AGGF1: variants seen among roughly 807,000 people sequenced by gnomAD.
AGGF1 encodes angiogenic factor with G-patch and FHA domains 1.
A neutral mutation model predicts 86.5 loss-of-function variants in AGGF1; 56 were observed. That is an observed-to-expected ratio of 0.65 (90% CI 0.52 to 0.81). The LOEUF (loss-of-function observed/expected upper bound fraction) is 0.81, where lower values mean the gene tolerates loss of function less well. AGGF1 is among the 30% of genes least tolerant of loss of function. AGGF1 has a pLI of 0.00. For missense variants in AGGF1, 816 were observed against 850.9 expected (o/e 0.96, Z 0.51); for synonymous variants, 313 against 297.1 (o/e 1.05, Z -0.55).
chr5:77,052,037 G>A (rs1311349743), intron 8 of AGGF1, among the ~76,000 whole-genome samples: 1 of 152,202 alleles, frequency 6.6e-6, no homozygotes, highest in African/African-American at 2.4e-5. Context: ...TTGGCCTTGA[G>A]TGTTTCAAAT....
chr5:77,052,602 T>C lies in AGGF1; in HGVS notation c.1366-104T>C, dbSNP rs182874745. 8.3e-5 allele frequency: 64 copies of C among 771,940 alleles called. No individual in the cohort carries two copies. In the African/African-American group the frequency reaches 1.0e-3, roughly 13 times the overall value. 47.8% of individuals were successfully genotyped at this position (771,940 alleles called of 1,614,324 possible). A position where few individuals can be genotyped will look rare whatever the true frequency, so the allele number is the denominator to read the frequency against. The stretch of plus-strand genomic sequence containing the variant: ...TAAAAAAGTATTAAGTATAATAAAA[T>C]TTAAATTATCAAAGGCTCAAGTTAA... On this transcript the variant is annotated intron_variant, in intron 8 of 13. Transcript: ENST00000312916.
rs150609016 is a variant in AGGF1, at chr5:77,039,662, T to C, written c.813T>C (p.Asp271=). 1 of 1,612,204 alleles carries C rather than the reference T, an allele frequency of 6.2e-7. No homozygotes were observed. Among genetic ancestry groups the C allele is most frequent in the Non-Finnish European group, 8.5e-7 (1 of 1,179,382 alleles). Residue 271 remains aspartate, a synonymous_variant, in exon 5 of 14, where the codon GAT becomes GAC. Transcript: ENST00000312916. Reference sequence around the variant, plus strand: ...CTTCTAGCACAAAACAAAGTAAAGATAAAAAATTGAAGAAGAAAAGAAAAG... The same window carrying C: ...CTTCTAGCACAAAACAAAGTAAAGACAAAAAATTGAAGAAGAAAAGAAAAG... ...YPTSSTKQSK[D]KKLKKKRKDP... is the part of the protein sequence containing the mutation.
rs768858867 is a variant in AGGF1, at chr5:77,030,450, C to T, written c.-317C>T. On this transcript the variant is annotated 5_prime_UTR_variant, in exon 1 of 14. Transcript: ENST00000312916. Reference sequence around the variant, plus strand: ...GGGGAGCTGCTGGAGCTCTTCTGGCCTCTGGTTTTCCGACTGCTTATCCGA... The same window carrying T: ...GGGGAGCTGCTGGAGCTCTTCTGGCTTCTGGTTTTCCGACTGCTTATCCGA... 3.4e-5 allele frequency: 19 copies of T among 557,054 alleles called. No homozygotes were observed. The highest frequency in any genetic ancestry group is 2.7e-4 in the Middle Eastern group (1 of 3,706). 34.5% of individuals were successfully genotyped at this position (557,054 alleles called of 1,614,324 possible).
Position 77,063,118 on chromosome 5 carries a change from G to A in AGGF1, c.2011G>A (p.Val671Ile), listed in dbSNP as rs546793289. The A allele has an allele frequency of 6.9e-5, 111 of 1,614,006 alleles. 2 individuals carry two copies. The South Asian group carries it at 1.2e-3, about 17-fold the overall frequency. ...AGGCAAACCATCCTCATTTGAAGAT[G>A]TTCACCTTCTCCAAAACAAGAACAA... Reference protein sequence around the residue: ...GTGKPSSFEDVHLLQNKNKKN... With the variant: ...GTGKPSSFEDIHLLQNKNKKN... Residue 671 changes from valine to isoleucine, a missense_variant, in exon 14 of 14, where the codon GTT (valine) becomes ATT (isoleucine). Physicochemically the swap from Val to Ile is conservative, Grantham distance 29. This residue lies in a region of AGGF1 where 565 missense variants were observed against 585.8 expected (regional missense o/e 0.96). Coordinates refer to ENST00000312916, the MANE Select transcript of AGGF1 (RefSeq NM_018046.5).
At position 77,030,946 on chromosome 5, in the gene AGGF1, A is replaced by G. The variant is rs2150725124; in HGVS notation, c.180A>G (p.Ala60=). 1.9e-6 allele frequency: 3 copies of G among 1,612,874 alleles called. No individual in the cohort carries two copies. The highest frequency in any genetic ancestry group is 2.7e-5 in the African/African-American group (2 of 75,070). Reference sequence around the variant, plus strand: ...ACACAGAACGGCTGTACCAGAACGCAGAAAGCAACAACCAGGAGCTCCGCA... The same window carrying G: ...ACACAGAACGGCTGTACCAGAACGCGGAAAGCAACAACCAGGAGCTCCGCA... ...LHHTERLYQN[A]ESNNQELRTQ... Residue 60 remains alanine (A), a synonymous_variant, in exon 1 of 14, where the codon GCA becomes GCG. Coordinates refer to ENST00000312916, the MANE Select transcript of AGGF1 (RefSeq NM_018046.5).
At chr5:77,047,239 T>C (rs969758769) in intron 6 of AGGF1, among the ~76,000 whole-genome samples, 3 of 152,220 alleles carry the variant, frequency 2.0e-5, no homozygotes, top group Non-Finnish European at 4.4e-5. Flanking sequence ...GTACTGAACA[T>C]GTACACACTT....
chr5:77,033,368 GT>G (rs1746906783), intron 1 of AGGF1, among the ~76,000 whole-genome samples: 1 of 152,174 alleles, frequency 6.6e-6, no homozygotes, highest in Admixed American at 6.5e-5. Flanking sequence ...ATTTCAGGTG[GT>G]TTTGTGAATT....
In AGGF1 at chr5:77,046,363, A is replaced by G. The variant is rs1258901270; in HGVS notation, c.887A>G (p.Asp296Gly). 1 of 1,613,696 alleles carries G rather than the reference A, an allele frequency of 6.2e-7. No individual in the cohort carries two copies. The highest frequency in any genetic ancestry group is 1.7e-5 in the Admixed American group (1 of 60,026). The change falls in exon 6 of 14, where the codon GAT (aspartate) becomes GGT (glycine). Residue 296 changes from aspartate to glycine, a missense_variant. Asp to Gly is a moderately conservative substitution (Grantham distance 94). Around this residue, in one of 3 missense-constraint regions of AGGF1, gnomAD observed 565 missense variants for 585.8 expected, o/e 0.96. Coordinates refer to ENST00000312916, the MANE Select transcript of AGGF1 (RefSeq NM_018046.5). Reference sequence around the variant, plus strand: ...CTTCTCCAGGATTTGAACTCAGAGGATCAAAAAGCCTTCAGTGTTGAACAT... The same window carrying G: ...CTTCTCCAGGATTTGAACTCAGAGGGTCAAAAAGCCTTCAGTGTTGAACAT... ...TNEEKDLNSE[D>G]QKAFSVEHTS...
chr5:77,045,696 T>G (rs534646476), intron 5 of AGGF1, among the ~76,000 whole-genome samples: 1 of 152,340 alleles, frequency 6.6e-6, no homozygotes, highest in South Asian at 2.1e-4. Context: ...ATTCTGTATT[T>G]TATTTGTGTT....
chr5:77,034,744 A>T (rs1746933345), intron 2 of AGGF1, among the ~76,000 whole-genome samples: 1 of 152,168 alleles, frequency 6.6e-6, no homozygotes, highest in South Asian at 2.1e-4. Context: ...AATGTTGCTA[A>T]TGTTTTCAGT....
chr5:77,048,330 A>G, intron 7 of AGGF1, 58 bp downstream of exon 7: 1 of 1,342,786 alleles, frequency 7.4e-7, no homozygotes, highest in Middle Eastern at 1.9e-4. Context: ...GGCTTTATTA[A>G]GAGCATGTAT....
At position 77,030,744 on chromosome 5, in the gene AGGF1, C is replaced by A. The variant is rs1489448179; in HGVS notation, c.-23C>A. The stretch of plus-strand genomic sequence containing the variant: ...CCTGAACGCAGCCCCTCCGCGGCGA[C>A]GAGCAGTCTCGCGCCGGAGCTCATG... On this transcript the variant is annotated 5_prime_UTR_variant, in exon 1 of 14. Coordinates refer to ENST00000312916, the MANE Select transcript of AGGF1 (RefSeq NM_018046.5). 1.3e-6 allele frequency: 2 copies of A among 1,553,428 alleles called. No individual in the cohort carries two copies. The highest frequency in any genetic ancestry group is 1.7e-6 in the Non-Finnish European group (2 of 1,156,368).
At chr5:77,049,548 C>CTT (rs759329284) in intron 8 of AGGF1, among the ~76,000 whole-genome samples, 8 of 130,638 alleles carry the variant, frequency 6.1e-5, no homozygotes, top group African/African-American at 1.1e-4. Flanking sequence ...TATATTTTTA[C>CTT]TTTTTTTTTT....
rs562647132 is a variant in AGGF1, at chr5:77,049,063, G to A, written c.1365+76G>A. 3 of 1,444,844 alleles carry A rather than the reference G, an allele frequency of 2.1e-6. No individual in the cohort carries two copies. In the African/African-American group the frequency reaches 4.2e-5, roughly 20 times the overall value. 89.5% of individuals were successfully genotyped at this position (1,444,844 alleles called of 1,614,324 possible). On this transcript the variant is annotated intron_variant, in intron 8 of 13. Coordinates refer to ENST00000312916, the MANE Select transcript of AGGF1 (RefSeq NM_018046.5). ...TTATTATTACAGTAGAAAGCTTAGG[G>A]ATTTTTCTCATTTAATAGGAAGGTT...
Position 77,030,977 on chromosome 5 carries a change from G to A in AGGF1, c.210+1G>A, listed in dbSNP as rs1746838382. 3.1e-6 allele frequency: 5 copies of A among 1,611,726 alleles called. No homozygotes were observed. The highest frequency in any genetic ancestry group is 4.2e-6 in the Non-Finnish European group (5 of 1,179,918). ...CAACAACCAGGAGCTCCGCACGCAG[G>A]TGCGCGGTCCTCCTCAGCCCCGCGC... is the stretch of plus-strand genomic sequence containing the variant. On this transcript the variant is annotated splice_donor_variant, in intron 1 of 13. Coordinates refer to ENST00000312916, the MANE Select transcript of AGGF1 (RefSeq NM_018046.5). LOFTEE classifies it high-confidence loss of function.
chr5:77,033,796 G>A (rs1432086953), intron 1 of AGGF1, among the ~76,000 whole-genome samples: 3 of 152,168 alleles, frequency 2.0e-5, no homozygotes, highest in Non-Finnish European at 4.4e-5. Context: ...TATTGACCGA[G>A]GCAGCATGTT....
intron 6 of AGGF1, among the ~76,000 whole-genome samples, 182 bp from the exon 7 acceptor site, chr5:77,047,979 A>G (rs1487294342): frequency 1.3e-5 from 2 of 152,192 alleles, no homozygotes; most frequent in African/African-American, 2.4e-5. Context: ...GATCACTTTA[A>G]TAACAGTGTT....
chr5:77,039,627 C>A lies in AGGF1; in HGVS notation c.778C>A (p.Pro260Thr). 6.2e-7 allele frequency: 1 copy of A among 1,613,028 alleles called. No homozygotes were observed. Among genetic ancestry groups the A allele is most frequent in the African/African-American group, 1.3e-5 (1 of 74,932 alleles). ...GTTTCATTCTCGAGTAGATTTGCAA[C>A]CTTATCCGACTTCTAGCACAAAACA... ...YQFHSRVDLQ[P>T]YPTSSTKQSK... is the part of the protein sequence containing the mutation. The change falls in exon 5 of 14, where the codon CCT becomes ACT. Residue 260 changes from proline (P) to threonine (T), a missense_variant. By Grantham distance (38) the Pro-to-Thr change is conservative (BLOSUM62 -1). Coordinates refer to ENST00000312916, the MANE Select transcript of AGGF1 (RefSeq NM_018046.5).
chr5:77,055,245 T>C lies in AGGF1; in HGVS notation c.1634-269T>C, dbSNP rs575182900. 3.6e-3 allele frequency among the ~76,000 whole-genome samples: 551 copies of C among 152,292 alleles called. 4 individuals are homozygous for C. Among genetic ancestry groups the C allele is most frequent in the African/African-American group, 0.013 (521 of 41,576 alleles). On this transcript the variant is annotated intron_variant, in intron 10 of 13. Transcript: ENST00000312916. ...TTGAGATTCTATTACAATAATCATATTGAAAAATCGAGATGTTCATTGTTC... is the reference window on the plus strand; with the variant it reads ...TTGAGATTCTATTACAATAATCATACTGAAAAATCGAGATGTTCATTGTTC...
Sources: allele counts gnomAD v4.1 joint callset (sites outside exome capture counted in the v4.1 genomes callset), GRCh38; gene constraint gnomAD v4.1.1; regional missense constraint gnomAD v4.1.1; transcripts MANE v1.5; gene names NCBI Gene and HGNC (gene_info 2026-07-23, HGNC 2026-07-21).